The following TADA2A variants were observed in gnomAD, a reference collection of about 807,000 sequenced individuals.
The protein encoded by TADA2A is transcriptional adapter 2-alpha.
In TADA2A, 38 loss-of-function variants were observed where a neutral mutation model predicts 67.4. The ratio of observed to expected loss-of-function variants is 0.56; its 90% CI spans 0.44 to 0.74. The LOEUF (loss-of-function observed/expected upper bound fraction) is 0.74. Among genes scored for constraint, TADA2A ranks in the 30% least tolerant of loss-of-function variants. The probability of loss-of-function intolerance (pLI) is 0.00; values close to 1 mark genes in which losing one functional copy is unlikely to be tolerated. For missense variants in TADA2A, 454 were observed against 547.0 expected (o/e 0.83, Z 1.70); for synonymous variants, 192 against 181.6 (o/e 1.06, Z -0.46).
intron 9 of TADA2A, among the ~76,000 whole-genome samples, chr17:37,460,080 A>T (rs1337284866): frequency 1.4e-5 from 2 of 147,338 alleles, no homozygotes; most frequent in Non-Finnish European, 3.0e-5. Flanking sequence ...AAGAAAAAAA[A>T]CCTTTTTTTT....
intron 8 of TADA2A, among the ~76,000 whole-genome samples, chr17:37,452,648 G>T (rs886124208): frequency 6.6e-6 from 1 of 152,058 alleles, no homozygotes; most frequent in African/African-American, 2.4e-5. Context: ...ACATTCTAAA[G>T]CCCATCATTC....
chr17:37,439,522 A>T (rs1274405602), intron 5 of TADA2A, among the ~76,000 whole-genome samples: 5 of 152,068 alleles, frequency 3.3e-5, no homozygotes, highest in Admixed American at 3.3e-4. Context: ...AGTTCAAGCC[A>T]TCCTCCCACC....
intron 8 of TADA2A, among the ~76,000 whole-genome samples, chr17:37,453,595 C>T (rs977344702): frequency 5.3e-5 from 8 of 152,056 alleles, no homozygotes; most frequent in African/African-American, 1.9e-4. Flanking sequence ...TGTAGTAGAA[C>T]ATGTAAATAA....
Position 37,479,375 on chromosome 17 carries a change from T to G in TADA2A, c.*2393T>G, listed in dbSNP as rs1012417751. ...AAAGCTGATGGCAAATCAGATTTCA[T>G]GAGGAAAATGGCATGGTTGAAAATA... On this transcript the variant is annotated 3_prime_UTR_variant, in exon 16 of 16. Transcript: ENST00000615182. 4 of 152,212 alleles carry G rather than the reference T, an allele frequency of 2.6e-5. No individual in the cohort carries two copies. The highest frequency in any genetic ancestry group is 9.6e-5 in the African/African-American group (4 of 41,460). The allele number at this position is 152,212 out of a possible 1,614,324, so 9.4% of individuals were successfully genotyped here. A position where few individuals can be genotyped will look rare whatever the true frequency, so the allele number is the denominator to read the frequency against.
At chr17:37,447,219 T>C (rs1019888354) in intron 8 of TADA2A, among the ~76,000 whole-genome samples, 2 of 152,238 alleles carry the variant, frequency 1.3e-5, no homozygotes, top group African/African-American at 2.4e-5. Flanking sequence ...GGGAGCGCAG[T>C]AGCGTGATCT....
chr17:37,422,966 T>C (rs2052290952), intron 2 of TADA2A, among the ~76,000 whole-genome samples: 1 of 152,218 alleles, frequency 6.6e-6, no homozygotes, highest in South Asian at 2.1e-4. Context: ...TGACTGGGCA[T>C]GGTAGCTCAT....
intron 12 of TADA2A, 148 bp from the exon 13 acceptor site, chr17:37,470,251 CT>C (rs1671118141): frequency 1.3e-6 from 1 of 792,406 alleles, no homozygotes; most frequent in South Asian, 2.0e-5. Flanking sequence ...GGAAAATCTA[CT>C]TGGGTCTTGG....
In TADA2A at chr17:37,479,600, T is replaced by C. The variant is rs922533824; in HGVS notation, c.*2618T>C. ...CAGAAGAGAGAGTTTACCCTGAAAC[T>C]TAATGACATGAATAAAACCTGTTTA... On this transcript the variant is annotated 3_prime_UTR_variant, in exon 16 of 16. Coordinates refer to ENST00000615182, the MANE Select transcript of TADA2A (RefSeq NM_001166105.3). The C allele has an allele frequency of 6.6e-6, 1 of 152,176 alleles. No individual in the cohort carries two copies. The highest frequency in any genetic ancestry group is 1.5e-5 in the Non-Finnish European group (1 of 68,034). 9.4% of individuals were successfully genotyped at this position (152,176 alleles called of 1,614,324 possible).
intron 8 of TADA2A, among the ~76,000 whole-genome samples, chr17:37,446,650 T>C (rs2053091065): frequency 6.6e-6 from 1 of 152,018 alleles, no homozygotes; most frequent in African/African-American, 2.4e-5. Flanking sequence ...TTGTTTTTCC[T>C]CCTCCTCCTC....
chr17:37,423,411 C>G (rs186964465), intron 2 of TADA2A, 98 bp from the exon 3 acceptor site: 2 of 910,680 alleles, frequency 2.2e-6, no homozygotes, highest in East Asian at 5.0e-5. Context: ...TTCAGCTTAG[C>G]TCACTACTTG....
intron 2 of TADA2A, among the ~76,000 whole-genome samples, chr17:37,417,968 T>G (rs920094815): frequency 6.6e-6 from 1 of 152,314 alleles, no homozygotes; most frequent in African/African-American, 2.4e-5. Context: ...TAGACATAAT[T>G]ACAATAGAAG....
At chr17:37,435,044 C>G (rs1050283360) in intron 4 of TADA2A, among the ~76,000 whole-genome samples, 4 of 152,030 alleles carry the variant, frequency 2.6e-5, no homozygotes, top group African/African-American at 9.7e-5. Flanking sequence ...GTCGGGAGTT[C>G]GAGACCAGCC....
intron 4 of TADA2A, among the ~76,000 whole-genome samples, chr17:37,428,211 C>G (rs1462248190): frequency 6.6e-6 from 1 of 152,166 alleles, no homozygotes. Flanking sequence ...AAATTTGTCT[C>G]ACAGTTCTGT....
intron 1 of TADA2A, among the ~76,000 whole-genome samples, chr17:37,409,808 A>G (rs573512996): frequency 6.7e-6 from 1 of 150,254 alleles, no homozygotes; most frequent in African/African-American, 2.5e-5. Flanking sequence ...GTGAGTGTAC[A>G]GAAGAAGGAT....
rs373025059 is a variant in TADA2A at position 37,437,665 on chromosome 17, GC to G, written c.193-72del. On this transcript the variant is annotated intron_variant, in intron 4 of 15. Transcript: ENST00000615182. The stretch of plus-strand genomic sequence containing the variant: ...GCCTTCCAAAGTGCTGGGAGTATAG[GC>G]GTGAGCCACCGTGCCTGGCCCCTAG... 3,043 of 1,371,908 alleles carry G rather than the reference GC, an allele frequency of 2.2e-3. 94 individuals carry two copies. The South Asian group carries it at 0.033, about 15-fold the overall frequency. The allele number at this position is 1,371,908 out of a possible 1,614,324, so 85.0% of individuals were successfully genotyped here.
chr17:37,465,709 G>C, intron 11 of TADA2A, 168 bp downstream of exon 11: 1 of 1,276,238 alleles, frequency 7.8e-7, no homozygotes, highest in Non-Finnish European at 1.1e-6. Context: ...GGTGGCAGAA[G>C]AGAGGTTAAA....
chr17:37,464,464 T>G (rs1004164093), intron 10 of TADA2A, among the ~76,000 whole-genome samples: 1 of 152,176 alleles, frequency 6.6e-6, no homozygotes, highest in African/African-American at 2.4e-5. Flanking sequence ...ATTTTGGCCA[T>G]AATTCTTCCT....
intron 4 of TADA2A, among the ~76,000 whole-genome samples, chr17:37,432,391 C>G (rs928347180): frequency 1.1e-4 from 16 of 151,982 alleles, no homozygotes; most frequent in African/African-American, 3.4e-4. Context: ...GGTCTCGAAC[C>G]CCTGACCTCA....
At chr17:37,425,674 G>T (rs934076582) in intron 3 of TADA2A, among the ~76,000 whole-genome samples, 1 of 151,836 alleles carries the variant, frequency 6.6e-6, no homozygotes, top group Non-Finnish European at 1.5e-5. Flanking sequence ...TTTGAGACAG[G>T]GTTTCACTGT....
Sources: gnomAD v4.1 joint callset for allele counts (sites outside exome capture counted in the v4.1 genomes callset) on GRCh38, gnomAD v4.1.1 for gene constraint, MANE v1.5 for transcripts, NCBI Gene and HGNC (gene_info 2026-07-23, HGNC 2026-07-21) for gene names.